LRFN5: variants seen among roughly 807,000 people sequenced by gnomAD.
The protein encoded by LRFN5 is leucine rich repeat and fibronectin type III domain containing 5.
A neutral mutation model predicts 45.6 loss-of-function variants in LRFN5; 24 were observed. The ratio of observed to expected loss-of-function variants is 0.53; its 90% CI spans 0.38 to 0.74. The LOEUF (loss-of-function observed/expected upper bound fraction) is 0.74, where lower values mean the gene tolerates loss of function less well. Ranked by LOEUF, LRFN5 falls within the 30% of genes least tolerant of loss-of-function variation. LRFN5 has a pLI of 0.00. For synonymous variants in LRFN5, 340 were observed against 313.8 expected (o/e 1.08, Z -0.88); for missense variants, 776 against 861.5 (o/e 0.90, Z 1.24).
chr14:41,698,606 G>A (rs1179280941), intron 1 of LRFN5, among the ~76,000 whole-genome samples: 1 of 152,020 alleles, frequency 6.6e-6, no homozygotes, highest in African/African-American at 2.4e-5. Context: ...ATCCAGTGCT[G>A]TAGGCACATG....
chr14:41,704,576 A>G (rs372743864), intron 1 of LRFN5, among the ~76,000 whole-genome samples: 2 of 151,790 alleles, frequency 1.3e-5, no homozygotes, highest in African/African-American at 4.8e-5. Flanking sequence ...ATCCTGCCTC[A>G]GCCTCCCAAG....
chr14:41,718,438 G>T (rs1434153810), intron 1 of LRFN5, among the ~76,000 whole-genome samples: 3 of 152,130 alleles, frequency 2.0e-5, no homozygotes, highest in Admixed American at 6.6e-5. Flanking sequence ...AAAGGGCAGA[G>T]AAATATCTCT....
chr14:41,663,118 A>T (rs1452137100), intron 1 of LRFN5, among the ~76,000 whole-genome samples: 3 of 152,232 alleles, frequency 2.0e-5, no homozygotes, highest in Admixed American at 2.0e-4. Flanking sequence ...GAAACATGAG[A>T]GGTGACTAAC....
rs1594542184 is a variant in LRFN5, at chr14:41,607,274, A to G, written c.-1485A>G. Reference sequence around the variant, plus strand: ...CTGGCTGTGAACACAGCCCACCCATATAATCCATTTTGCACGGTCCGTTAT... The same window carrying G: ...CTGGCTGTGAACACAGCCCACCCATGTAATCCATTTTGCACGGTCCGTTAT... On this transcript the variant is annotated 5_prime_UTR_variant, in exon 1 of 6. The change creates a new upstream start codon in the 5' untranslated region. Transcript: ENST00000298119. Among the ~76,000 whole-genome samples the G allele has an allele frequency of 6.6e-6, 1 of 151,578 alleles. No individual in the cohort carries two copies. The highest frequency in any genetic ancestry group is 1.5e-5 in the Non-Finnish European group (1 of 67,912).
intron 2 of LRFN5, among the ~76,000 whole-genome samples, chr14:41,800,459 C>T (rs1305807520): frequency 2.6e-5 from 4 of 151,674 alleles, no homozygotes; most frequent in African/African-American, 9.7e-5. Context: ...TGAATTCTAA[C>T]TTTTTAATAT....
intron 1 of LRFN5, chr14:41,700,964 C>A (rs964702615): frequency 8.5e-5 from 13 of 152,070 alleles, no homozygotes; most frequent in African/African-American, 3.1e-4. Flanking sequence ...AAGAAAACTT[C>A]GTTCCTAGCT....
intron 1 of LRFN5, among the ~76,000 whole-genome samples, chr14:41,624,062 C>G (rs1220655972): frequency 1.3e-5 from 2 of 152,044 alleles, no homozygotes; most frequent in Non-Finnish European, 2.9e-5. Flanking sequence ...GGAAACAGTT[C>G]CTACGCCTCT....
intron 1 of LRFN5, among the ~76,000 whole-genome samples, chr14:41,685,969 G>A (rs962276470): frequency 6.6e-6 from 1 of 152,156 alleles, no homozygotes; most frequent in East Asian, 1.9e-4. Context: ...GATTCCATAC[G>A]AAATTTAAAA....
intron 2 of LRFN5, among the ~76,000 whole-genome samples, chr14:41,840,210 C>A (rs1247771107): frequency 6.6e-6 from 1 of 151,976 alleles, no homozygotes; most frequent in Non-Finnish European, 1.5e-5. Context: ...ATATGACCTT[C>A]AAAAGTTGCA....
chr14:41,640,644 A>C (rs901632219), intron 1 of LRFN5, among the ~76,000 whole-genome samples: 1 of 152,120 alleles, frequency 6.6e-6, no homozygotes, highest in Non-Finnish European at 1.5e-5. Context: ...AATTAAATTT[A>C]TACATTATAG....
intron 1 of LRFN5, among the ~76,000 whole-genome samples, chr14:41,630,660 A>T (rs151218615): frequency 2.3e-4 from 35 of 152,238 alleles, no homozygotes; most frequent in African/African-American, 8.2e-4. Flanking sequence ...TTGAGAGAAC[A>T]TAAATGGGAA....
intron 2 of LRFN5, among the ~76,000 whole-genome samples, chr14:41,850,435 G>GA (rs1436829932): frequency 5.9e-4 from 88 of 149,938 alleles, no homozygotes; most frequent in African/African-American, 1.0e-3. Context: ...TTTCCAAAAA[G>GA]AAAAAAAAAT....
At chr14:41,892,997 A>G in intron 4 of LRFN5, 1 of 985,012 alleles carries the variant, frequency 1.0e-6, no homozygotes, top group Non-Finnish European at 1.2e-6. Flanking sequence ...AGTAAAATTT[A>G]AAAACTTCTA....
At chr14:41,732,837 C>T (rs1181474440) in intron 1 of LRFN5, among the ~76,000 whole-genome samples, 2 of 150,854 alleles carry the variant, frequency 1.3e-5, no homozygotes, top group Non-Finnish European at 3.0e-5. Context: ...CACATTGAAA[C>T]GTCAACACAA....
intron 1 of LRFN5, among the ~76,000 whole-genome samples, chr14:41,730,448 A>C (rs1884122976): frequency 6.6e-6 from 1 of 151,980 alleles, no homozygotes. Context: ...ATGGACTTGC[A>C]AGGAGATGCA....
intron 1 of LRFN5, among the ~76,000 whole-genome samples, chr14:41,633,960 G>A (rs568232644): frequency 1.3e-5 from 2 of 151,892 alleles, no homozygotes; most frequent in South Asian, 4.1e-4. Context: ...ATGGAACAAA[G>A]AAATAAAAAA....
intron 3 of LRFN5, among the ~76,000 whole-genome samples, chr14:41,888,637 G>C (rs910398454): frequency 1.3e-5 from 2 of 152,166 alleles, no homozygotes; most frequent in East Asian, 3.9e-4. Flanking sequence ...GTATGTGTGC[G>C]TGTGTCTGTG....
At chr14:41,690,333 C>T (rs1882322064) in intron 1 of LRFN5, among the ~76,000 whole-genome samples, 1 of 152,206 alleles carries the variant, frequency 6.6e-6, no homozygotes, top group Admixed American at 6.5e-5. Context: ...ATGGGTGGAT[C>T]TCTTGAGGCC....
At chr14:41,730,922 G>T (rs887327170) in intron 1 of LRFN5, among the ~76,000 whole-genome samples, 2 of 151,970 alleles carry the variant, frequency 1.3e-5, no homozygotes, top group African/African-American at 4.8e-5. Flanking sequence ...TGAATGAAAG[G>T]TTCTCATCTG....
Sources: gnomAD v4.1 joint callset for allele counts (sites outside exome capture counted in the v4.1 genomes callset) on GRCh38, gnomAD v4.1.1 for gene constraint, MANE v1.5 for transcripts, NCBI Gene and HGNC (gene_info 2026-07-23, HGNC 2026-07-21) for gene names.